Variants in NKAIN2 observed in about 807,000 individuals in gnomAD.
NKAIN2 encodes sodium/potassium transporting ATPase interacting 2, also known as sodium/potassium-transporting ATPase subunit beta-1-interacting protein 2.
In NKAIN2, 14 loss-of-function variants were observed where a neutral mutation model predicts 32.6. The observed-to-expected ratio is 0.43, with a 90% CI of 0.28 to 0.67. The LOEUF (loss-of-function observed/expected upper bound fraction) is 0.67. Among genes scored for constraint, NKAIN2 ranks in the 30% least tolerant of loss-of-function variants. The probability of loss-of-function intolerance (pLI) is 0.17; values close to 1 mark genes in which losing one functional copy is unlikely to be tolerated. For synonymous variants in NKAIN2, 80 were observed against 87.2 expected (o/e 0.92, Z 0.46); for missense variants, 198 against 258.3 (o/e 0.77, Z 1.60).
At chr6:124,700,578 A>C (rs1774728266) in intron 4 of NKAIN2, among the ~76,000 whole-genome samples, 1 of 152,148 alleles carries the variant, frequency 6.6e-6, no homozygotes, top group South Asian at 2.1e-4. Context: ...CTAATAATTA[A>C]AGATAAATGA....
intron 1 of NKAIN2, among the ~76,000 whole-genome samples, chr6:124,163,890 A>G (rs1307927813): frequency 6.6e-6 from 1 of 152,058 alleles, no homozygotes; most frequent in Non-Finnish European, 1.5e-5. Flanking sequence ...CAAACGATGG[A>G]TTAAGATAAT....
At chr6:124,477,709 CCTTACT>C (rs1228689418) in intron 3 of NKAIN2, among the ~76,000 whole-genome samples, 13 of 6,250 alleles carry the variant, frequency 2.1e-3, no homozygotes, top group East Asian at 0.011. Context: ...TCTCCCTCCC[CCTTACT>C]CTTCCCCCTT....
At chr6:124,585,744 A>G (rs2114950179) in intron 3 of NKAIN2, among the ~76,000 whole-genome samples, 1 of 152,326 alleles carries the variant, frequency 6.6e-6, no homozygotes, top group African/African-American at 2.4e-5. Flanking sequence ...TTACACACTT[A>G]TTAAATTTTT....
intron 3 of NKAIN2, among the ~76,000 whole-genome samples, chr6:124,581,227 C>A (rs945662424): frequency 4.6e-5 from 7 of 151,894 alleles, no homozygotes; most frequent in Non-Finnish European, 8.8e-5. Flanking sequence ...ATCATGAGGT[C>A]ACGAGATCGA....
intron 3 of NKAIN2, among the ~76,000 whole-genome samples, chr6:124,397,527 G>GTTTTTT (rs71776352): frequency 1.4e-5 from 2 of 145,030 alleles, no homozygotes; most frequent in Admixed American, 6.9e-5. Context: ...GTCACAGAGA[G>GTTTTTT]TTTTTTTTTT....
chr6:124,326,793 A>G (rs1201824584), intron 2 of NKAIN2, among the ~76,000 whole-genome samples: 4 of 152,168 alleles, frequency 2.6e-5, no homozygotes, highest in African/African-American at 4.8e-5. Context: ...AATATGTCAC[A>G]TACAATATTT....
chr6:124,615,986 C>T (rs1782872611), intron 3 of NKAIN2, among the ~76,000 whole-genome samples: 1 of 152,164 alleles, frequency 6.6e-6, no homozygotes, highest in East Asian at 1.9e-4. Flanking sequence ...TACACAGTAG[C>T]TCAAATCCCC....
At chr6:123,972,189 A>T (rs1306365163) in intron 1 of NKAIN2, among the ~76,000 whole-genome samples, 1 of 152,218 alleles carries the variant, frequency 6.6e-6, no homozygotes, top group Non-Finnish European at 1.5e-5. Context: ...TGTGTTCATC[A>T]ATGGTTTATG....
chr6:124,492,813 G>A (rs985226623), intron 3 of NKAIN2, among the ~76,000 whole-genome samples: 3 of 151,952 alleles, frequency 2.0e-5, no homozygotes, highest in East Asian at 1.9e-4. Context: ...TTGAAACTTC[G>A]AAGATTAACT....
intron 1 of NKAIN2, among the ~76,000 whole-genome samples, chr6:123,969,390 G>T (rs977758624): frequency 6.6e-6 from 1 of 152,098 alleles, no homozygotes; most frequent in Non-Finnish European, 1.5e-5. Context: ...AGATGGCTGC[G>T]GTTTAACAAT....
chr6:124,187,903 C>T (rs1789823136), intron 1 of NKAIN2, among the ~76,000 whole-genome samples: 1 of 152,072 alleles, frequency 6.6e-6, no homozygotes, highest in Non-Finnish European at 1.5e-5. Context: ...CTCTTCTTAA[C>T]CAAGATGTTA....
rs751652394 is a variant in NKAIN2, at chr6:124,437,871, G to GGTTTTTTTTTTTTTTTT, written c.273+82524_273+82525insGTTTTTTTTTTTTTTTT. On this transcript the variant is annotated intron_variant, in intron 3 of 6. Transcript: ENST00000368417. The stretch of plus-strand genomic sequence containing the variant: ...TGTAGGGAATACGTACTGATCTATT[G>GGTTTTTTTTTTTTTTTT]ATTTTTTTTTTTTTTTTTTTCTTAA... 3.5e-5 allele frequency: 12 copies of GGTTTTTTTTTTTTTTTT among 345,724 alleles called. 2 individuals are homozygous for GGTTTTTTTTTTTTTTTT. Among genetic ancestry groups the GGTTTTTTTTTTTTTTTT allele is most frequent in the African/African-American group, 5.8e-5 (2 of 34,506 alleles). The allele number at this position is 345,724 out of a possible 1,614,324, so 21.4% of individuals were successfully genotyped here.
At chr6:123,939,158 G>A (rs1204587300) in intron 1 of NKAIN2, among the ~76,000 whole-genome samples, 2 of 151,866 alleles carry the variant, frequency 1.3e-5, no homozygotes, top group African/African-American at 2.4e-5. Context: ...AGAGGCTTGG[G>A]GTTCTGAATA....
chr6:124,683,759 A>C (rs926455560), intron 4 of NKAIN2, among the ~76,000 whole-genome samples: 1 of 152,198 alleles, frequency 6.6e-6, no homozygotes, highest in African/African-American at 2.4e-5. Flanking sequence ...ATGCAGAGAC[A>C]AAAGGGGCAG....
intron 1 of NKAIN2, among the ~76,000 whole-genome samples, chr6:124,186,052 C>T (rs1225442169): frequency 6.7e-6 from 1 of 149,222 alleles, no homozygotes; most frequent in Non-Finnish European, 1.5e-5. Context: ...GAGGCCAAGT[C>T]AGAAGGATTA....
At chr6:124,076,267 A>T (rs1049274611) in intron 1 of NKAIN2, among the ~76,000 whole-genome samples, 6 of 152,220 alleles carry the variant, frequency 3.9e-5, no homozygotes, top group Admixed American at 2.6e-4. Context: ...AATGAGTATT[A>T]AAAAAGTTGA....
chr6:124,294,242 C>A (rs1366141621), intron 2 of NKAIN2, among the ~76,000 whole-genome samples: 1 of 151,968 alleles, frequency 6.6e-6, no homozygotes, highest in Non-Finnish European at 1.5e-5. Context: ...TTATAACAAT[C>A]TGCTCTAGTA....
chr6:124,660,881 A>G (rs1428784408), intron 4 of NKAIN2, among the ~76,000 whole-genome samples: 1 of 152,250 alleles, frequency 6.6e-6, no homozygotes. Flanking sequence ...GCTTATCTTT[A>G]ACAACTTGCT....
At chr6:124,206,429 C>T (rs963430880) in intron 1 of NKAIN2, among the ~76,000 whole-genome samples, 2 of 151,850 alleles carry the variant, frequency 1.3e-5, no homozygotes, top group Non-Finnish European at 2.9e-5. Context: ...TTGTAATATA[C>T]CAAGTCTCAA....
Sources: allele counts gnomAD v4.1 joint callset (sites outside exome capture counted in the v4.1 genomes callset), GRCh38; gene constraint gnomAD v4.1.1; transcripts MANE v1.5; gene names NCBI Gene and HGNC (gene_info 2026-07-23, HGNC 2026-07-21).